Variants in LYPD6 observed in about 807,000 individuals in gnomAD.
LYPD6 encodes ly6/PLAUR domain-containing protein 6.
Under a neutral mutation model 22.7 loss-of-function variants are expected in LYPD6, and 15 were observed. That is an observed-to-expected ratio of 0.66 (90% confidence interval 0.44 to 1.02). The LOEUF (loss-of-function observed/expected upper bound fraction) is 1.02, where lower values mean the gene tolerates loss of function less well. Among genes scored for constraint, LYPD6 ranks in the 50% least tolerant of loss-of-function variants. The pLI is 0.00. For synonymous variants in LYPD6, 72 were observed against 77.5 expected (o/e 0.93, Z 0.37); for missense variants, 189 against 208.4 (o/e 0.91, Z 0.57).
intron 1 of LYPD6, among the ~76,000 whole-genome samples, chr2:149,431,724 T>C (rs1040546967): frequency 6.6e-5 from 10 of 152,326 alleles, no homozygotes; most frequent in African/African-American, 2.4e-4. Context: ...TCGGTTGTGA[T>C]TTTTATAAGG....
intron 2 of LYPD6, among the ~76,000 whole-genome samples, chr2:149,443,268 C>A (rs1209251075): frequency 6.6e-6 from 1 of 152,194 alleles, no homozygotes; most frequent in Admixed American, 6.5e-5. Flanking sequence ...CGTCAATCTT[C>A]ATTCAGAATT....
chr2:149,450,607 G>C (rs1683783803), intron 3 of LYPD6, among the ~76,000 whole-genome samples: 1 of 152,164 alleles, frequency 6.6e-6, no homozygotes, highest in Non-Finnish European at 1.5e-5. Context: ...AGCCGTCTGA[G>C]TAATCGAAAA....
chr2:149,346,804 G>A (rs1004397217), intron 1 of LYPD6, among the ~76,000 whole-genome samples: 4 of 152,092 alleles, frequency 2.6e-5, no homozygotes, highest in African/African-American at 7.2e-5. Context: ...GGGTTCTAGC[G>A]GTTCTCCTGC....
At chr2:149,373,522 G>A (rs910468223) in intron 1 of LYPD6, among the ~76,000 whole-genome samples, 5 of 152,068 alleles carry the variant, frequency 3.3e-5, no homozygotes, top group African/African-American at 1.2e-4. Context: ...GGATGAAAGG[G>A]GAGTACAAGG....
At chr2:149,338,676 G>A (rs927698284) in intron 1 of LYPD6, among the ~76,000 whole-genome samples, 10 of 152,112 alleles carry the variant, frequency 6.6e-5, no homozygotes, top group Non-Finnish European at 1.2e-4. Flanking sequence ...AGGACTGTGA[G>A]CAATAAAATT....
intron 1 of LYPD6, among the ~76,000 whole-genome samples, chr2:149,363,278 G>A (rs1266154529): frequency 6.6e-6 from 1 of 152,110 alleles, no homozygotes; most frequent in Non-Finnish European, 1.5e-5. Flanking sequence ...TGAACCTTTT[G>A]CTGTGTGCCA....
chr2:149,476,022 A>G (rs752174969), downstream of LYPD6, among the ~76,000 whole-genome samples: 1 of 152,198 alleles, frequency 6.6e-6, no homozygotes, highest in Non-Finnish European at 1.5e-5. Flanking sequence ...GTAGAACCTT[A>G]GAAAACATCT....
chr2:149,380,302 C>T (rs1254008037), intron 1 of LYPD6, among the ~76,000 whole-genome samples: 1 of 152,094 alleles, frequency 6.6e-6, no homozygotes, highest in Non-Finnish European at 1.5e-5. Context: ...CTAAGCAGAG[C>T]GAAGATAAGA....
chr2:149,482,303 TTC>T, the LYPD6 span, among the ~76,000 whole-genome samples: 1 of 152,212 alleles, frequency 6.6e-6, no homozygotes, highest in Admixed American at 6.5e-5. Context: ...CCCTTAATAC[TTC>T]AGCATTTCCT....
chr2:149,469,631 A>G (rs1366258915), intron 4 of LYPD6, among the ~76,000 whole-genome samples: 1 of 152,176 alleles, frequency 6.6e-6, no homozygotes, highest in African/African-American at 2.4e-5. Flanking sequence ...AATTTTAAAT[A>G]TAATCTGCCT....
chr2:149,402,652 A>G (rs1391037046), intron 1 of LYPD6, among the ~76,000 whole-genome samples: 11 of 151,960 alleles, frequency 7.2e-5, no homozygotes, highest in Admixed American at 3.3e-4. Flanking sequence ...GCATTTTTCC[A>G]TATACTTGTT....
intron 2 of LYPD6, among the ~76,000 whole-genome samples, chr2:149,446,558 T>C (rs546732777): frequency 6.2e-4 from 94 of 152,316 alleles, no homozygotes; most frequent in African/African-American, 2.1e-3. Flanking sequence ...TTTGTCACAA[T>C]TATATGACAT....
intron 3 of LYPD6, among the ~76,000 whole-genome samples, chr2:149,468,228 G>A (rs2105182003): frequency 6.7e-6 from 1 of 148,672 alleles, no homozygotes; most frequent in South Asian, 2.1e-4. Flanking sequence ...GAGGACTACT[G>A]TTACCTGCCT....
intron 1 of LYPD6, among the ~76,000 whole-genome samples, chr2:149,413,501 T>C (rs532503354): frequency 6.6e-6 from 1 of 152,362 alleles, no homozygotes; most frequent in African/African-American, 2.4e-5. Flanking sequence ...GAAATTCTTT[T>C]AGTTGTTCAT....
chr2:149,463,431 T>C (rs1681130623), intron 3 of LYPD6, among the ~76,000 whole-genome samples: 1 of 152,122 alleles, frequency 6.6e-6, no homozygotes, highest in Admixed American at 6.6e-5. Context: ...ACGTTGTTGG[T>C]AGGAATATAA....
intron 1 of LYPD6, among the ~76,000 whole-genome samples, chr2:149,404,243 A>T (rs1054973549): frequency 3.9e-5 from 6 of 152,152 alleles, no homozygotes; most frequent in Non-Finnish European, 7.3e-5. Flanking sequence ...TATGAACTTT[A>T]AAGTAGTTTT....
Position 149,472,052 on chromosome 2 carries a change from A to G in LYPD6, c.*1202A>G, listed in dbSNP as rs1011705895. 5.9e-5 allele frequency: 9 copies of G among 152,418 alleles called. No homozygotes were observed. In the South Asian group the frequency reaches 8.3e-4, roughly 14 times the overall value. The allele number at this position is 152,418 out of a possible 1,614,324, so 9.4% of individuals were successfully genotyped here. A position where few individuals can be genotyped will look rare whatever the true frequency, so the allele number is the denominator to read the frequency against. ...GTAAAATTTTTGTCATCCTTCTTGT[A>G]TTTTTTGTACCCCAAGTTACAATTT... On this transcript the variant is annotated 3_prime_UTR_variant, in exon 5 of 5. Coordinates refer to ENST00000334166, the MANE Select transcript of LYPD6 (RefSeq NM_194317.5).
intron 1 of LYPD6, among the ~76,000 whole-genome samples, chr2:149,425,045 C>T (rs143429740): frequency 3.3e-5 from 5 of 152,316 alleles, no homozygotes; most frequent in African/African-American, 1.2e-4. Context: ...ATCCCTGTCT[C>T]TCTCCATTTT....
At chr2:149,392,489 G>A (rs942415800) in intron 1 of LYPD6, among the ~76,000 whole-genome samples, 3 of 152,168 alleles carry the variant, frequency 2.0e-5, no homozygotes, top group Non-Finnish European at 4.4e-5. Context: ...GCATAACTCA[G>A]CTCTTCTCTC....
Sources: allele counts gnomAD v4.1 joint callset (sites outside exome capture counted in the v4.1 genomes callset), GRCh38; gene constraint gnomAD v4.1.1; transcripts MANE v1.5; gene names NCBI Gene and HGNC (gene_info 2026-07-23, HGNC 2026-07-21).